Variants in MYO1D observed in about 807,000 individuals in gnomAD.
MYO1D encodes myosin ID, also known as unconventional myosin-Id.
Under a neutral mutation model 122.0 loss-of-function variants are expected in MYO1D, and 83 were observed. That is an observed-to-expected ratio of 0.68 (90% CI 0.57 to 0.82). The LOEUF is 0.82. Ranked by LOEUF, MYO1D falls within the 40% of genes least tolerant of loss-of-function variation. MYO1D has a pLI of 0.00. For synonymous variants in MYO1D, 464 were observed against 446.9 expected, an observed-to-expected ratio of 1.04 and a Z score of -0.48; for missense variants, 1,157 against 1,269.5, an observed-to-expected ratio of 0.91 and a Z score of 1.35.
intron 21 of MYO1D, chr17:32,504,498 C>A (rs1442065950): frequency 6.6e-6 from 1 of 152,192 alleles, no homozygotes; most frequent in African/African-American, 2.4e-5. Flanking sequence ...GGGTCACTGA[C>A]CCTGGGTGGC....
Position 32,525,941 on chromosome 17 carries a change from C to G in MYO1D, c.2865-31026G>C, listed in dbSNP as rs993550516. ...TTGTCTCCTAGTTCACCCTCATACA[C>G]CTGTTTGCCACGATGGTTTTGCCTT... is the stretch of plus-strand genomic sequence containing the variant. On this transcript the variant is annotated intron_variant, in intron 21 of 21. Transcript: ENST00000318217. 2.0e-5 allele frequency among the ~76,000 whole-genome samples: 3 copies of G among 152,200 alleles called. No homozygotes were observed. The South Asian group carries it at 6.2e-4, about 31-fold the overall frequency.
At chr17:32,563,841 A>G (rs1044995474) in intron 21 of MYO1D, among the ~76,000 whole-genome samples, 1 of 152,212 alleles carries the variant, frequency 6.6e-6, no homozygotes, top group Non-Finnish European at 1.5e-5. Context: ...TTGGTTTAAG[A>G]TAAGCTATTA....
chr17:32,815,995 CTA>C (rs1222561718), intron 1 of MYO1D, among the ~76,000 whole-genome samples: 1 of 152,226 alleles, frequency 6.6e-6, no homozygotes, highest in East Asian at 1.9e-4. Context: ...CTAGTAGCAA[CTA>C]ACTGATCTGA....
chr17:32,562,128 C>T (rs544397795), intron 21 of MYO1D, among the ~76,000 whole-genome samples: 1 of 152,162 alleles, frequency 6.6e-6, no homozygotes, highest in South Asian at 2.1e-4. Context: ...GGAGCTGGGA[C>T]TACAGGTGCA....
chr17:32,608,598 C>A (rs1467921603), intron 20 of MYO1D, among the ~76,000 whole-genome samples: 1 of 152,074 alleles, frequency 6.6e-6, no homozygotes, highest in Non-Finnish European at 1.5e-5. Flanking sequence ...GTTGTTAACT[C>A]AAAAAATTAA....
chr17:32,824,082 AAAG>A (rs1415357460), intron 1 of MYO1D, among the ~76,000 whole-genome samples: 1 of 151,608 alleles, frequency 6.6e-6, no homozygotes, highest in African/African-American at 2.4e-5. Flanking sequence ...AAAAAAAAAA[AAAG>A]AAGTACTAAA....
intron 16 of MYO1D, among the ~76,000 whole-genome samples, chr17:32,707,345 A>G (rs927957687): frequency 6.6e-6 from 1 of 152,178 alleles, no homozygotes; most frequent in African/African-American, 2.4e-5. Context: ...CAGAAGGGAA[A>G]AAATTAAAAA....
intron 19 of MYO1D, among the ~76,000 whole-genome samples, chr17:32,651,547 C>G (rs1014047364): frequency 2.0e-5 from 3 of 151,858 alleles, no homozygotes; most frequent in Non-Finnish European, 4.4e-5. Flanking sequence ...AATTGCAGGG[C>G]TCATCACCTC....
chr17:32,706,375 T>C (rs566256822), intron 16 of MYO1D, among the ~76,000 whole-genome samples: 2 of 152,332 alleles, frequency 1.3e-5, no homozygotes, highest in Non-Finnish European at 2.9e-5. Context: ...CCCAAAGTGC[T>C]GGGATTATAG....
chr17:32,630,602 T>C (rs1183143367), intron 20 of MYO1D, among the ~76,000 whole-genome samples: 1 of 152,016 alleles, frequency 6.6e-6, no homozygotes, highest in African/African-American at 2.4e-5. Context: ...AAATGGAGTC[T>C]CGCTCTGTTG....
intron 21 of MYO1D, among the ~76,000 whole-genome samples, chr17:32,575,511 G>C (rs1481967700): frequency 6.6e-6 from 1 of 152,302 alleles, no homozygotes; most frequent in African/African-American, 2.4e-5. Flanking sequence ...ATAGTACAAG[G>C]AAAGAGATTT....
At chr17:32,562,686 T>C (rs2087136943) in intron 21 of MYO1D, among the ~76,000 whole-genome samples, 1 of 152,202 alleles carries the variant, frequency 6.6e-6, no homozygotes, top group South Asian at 2.1e-4. Context: ...TTCTGCTATG[T>C]TGCCCAGGCT....
intron 16 of MYO1D, among the ~76,000 whole-genome samples, chr17:32,676,638 C>T (rs1437021088): frequency 2.0e-5 from 3 of 151,984 alleles, no homozygotes; most frequent in Admixed American, 2.0e-4. Context: ...TGTTAGCCGC[C>T]ACCTCACAAC....
At chr17:32,582,121 C>T (rs1016313019) in intron 21 of MYO1D, among the ~76,000 whole-genome samples, 10 of 151,838 alleles carry the variant, frequency 6.6e-5, no homozygotes, top group Non-Finnish European at 1.2e-4. Flanking sequence ...TACCACGTTG[C>T]CCAGGCTGGT....
chr17:32,775,225 TG>T (rs2090160715), intron 4 of MYO1D, among the ~76,000 whole-genome samples: 1 of 151,986 alleles, frequency 6.6e-6, no homozygotes, highest in Non-Finnish European at 1.5e-5. Context: ...TGCTTGAGCC[TG>T]GGGGGTTGAG....
chr17:32,620,903 T>A (rs938510792), intron 20 of MYO1D, among the ~76,000 whole-genome samples: 1 of 152,230 alleles, frequency 6.6e-6, no homozygotes, highest in African/African-American at 2.4e-5. Context: ...AGTATTTGCA[T>A]ATACACATTG....
intron 20 of MYO1D, among the ~76,000 whole-genome samples, chr17:32,608,648 G>A (rs540903426): frequency 6.6e-6 from 1 of 152,262 alleles, no homozygotes; most frequent in African/African-American, 2.4e-5. Flanking sequence ...TCACTCCTAG[G>A]CACATATCCT....
At chr17:32,831,854 T>C (rs148252289) in intron 1 of MYO1D, among the ~76,000 whole-genome samples, 350 of 152,344 alleles carry the variant, frequency 2.3e-3, no homozygotes, top group South Asian at 3.5e-3. Context: ...TTGAATGGCC[T>C]GATCAGGTAA....
chr17:32,665,217 C>T (rs575225488), intron 16 of MYO1D, among the ~76,000 whole-genome samples: 57 of 152,246 alleles, frequency 3.7e-4, no homozygotes, highest in African/African-American at 1.3e-3. Flanking sequence ...CCCCCCGACC[C>T]GCCCAGCACT....
Sources: allele counts gnomAD v4.1 joint callset (sites outside exome capture counted in the v4.1 genomes callset), GRCh38; gene constraint gnomAD v4.1.1; transcripts MANE v1.5; gene names NCBI Gene and HGNC (gene_info 2026-07-23, HGNC 2026-07-21).